KIF16B: variants seen among roughly 807,000 people sequenced by gnomAD.
KIF16B encodes kinesin family member 16B.
In KIF16B, 98 loss-of-function variants were observed where a neutral mutation model predicts 156.3. That is an observed-to-expected ratio of 0.63 (90% CI 0.53 to 0.74). KIF16B has a LOEUF of 0.74. Ranked by LOEUF, KIF16B falls within the 30% of genes least tolerant of loss-of-function variation. KIF16B has a pLI of 0.00. For synonymous variants in KIF16B, 564 were observed against 583.7 expected, an observed-to-expected ratio of 0.97 and a Z score of 0.49; for missense variants, 1,421 against 1,606.5, an observed-to-expected ratio of 0.88 and a Z score of 1.97.
At chr20:16,452,239 T>C (rs116549975) in intron 12 of KIF16B, among the ~76,000 whole-genome samples, 1 of 151,978 alleles carries the variant, frequency 6.6e-6, no homozygotes, top group Non-Finnish European at 1.5e-5. Flanking sequence ...CCAGAGAAAT[T>C]GCAAATTCAG....
At chr20:16,458,536 T>C (rs573896451) in intron 12 of KIF16B, among the ~76,000 whole-genome samples, 30 of 152,318 alleles carry the variant, frequency 2.0e-4, no homozygotes, top group South Asian at 1.2e-3. Context: ...GCATTTTTTT[T>C]CGGAAAACTC....
chr20:16,519,805 A>G (rs921704241), intron 3 of KIF16B, among the ~76,000 whole-genome samples: 5 of 152,192 alleles, frequency 3.3e-5, no homozygotes, highest in Admixed American at 6.5e-5. Flanking sequence ...TGGATTTTCA[A>G]TTGAAGTACC....
chr20:16,373,611 T>A (rs1013728257), intron 20 of KIF16B, among the ~76,000 whole-genome samples: 2 of 152,342 alleles, frequency 1.3e-5, no homozygotes, highest in South Asian at 4.1e-4. Flanking sequence ...CTATTTGTAA[T>A]CCATGACACA....
intron 21 of KIF16B, among the ~76,000 whole-genome samples, 189 bp downstream of exon 21, chr20:16,371,476 A>G (rs1600227587): frequency 6.6e-6 from 1 of 151,500 alleles, no homozygotes; most frequent in African/African-American, 2.4e-5. Context: ...CTATAGTCCC[A>G]GCTACTTGGG....
chr20:16,493,749 A>C (rs2068367188), intron 12 of KIF16B, among the ~76,000 whole-genome samples: 1 of 152,196 alleles, frequency 6.6e-6, no homozygotes, highest in African/African-American at 2.4e-5. Context: ...AATGGAGGCT[A>C]CTGCTGACAT....
intron 24 of KIF16B, among the ~76,000 whole-genome samples, chr20:16,314,962 G>A (rs1354754229): frequency 6.6e-6 from 1 of 152,094 alleles, no homozygotes; most frequent in African/African-American, 2.4e-5. Flanking sequence ...CGCTTCCCCC[G>A]ATGCTGTGGT....
chr20:16,430,849 G>GTGTGTATATGTATATGTA (rs1555883017), intron 12 of KIF16B, among the ~76,000 whole-genome samples: 3,311 of 147,160 alleles, frequency 0.022, 133 homozygotes, highest in African/African-American at 0.077. Context: ...GTGTGTGTAT[G>GTGTGTATATGTATATGTA]TATATATATA....
chr20:16,281,054 T>C (rs190577822), intron 25 of KIF16B, among the ~76,000 whole-genome samples: 4 of 152,340 alleles, frequency 2.6e-5, no homozygotes, highest in East Asian at 3.9e-4. Context: ...ACTGCTTATT[T>C]CATGTGCAAT....
rs183536000 is a variant in KIF16B at position 16,464,347 on chromosome 20, T to G, written c.1302+29944A>C. Among the ~76,000 whole-genome samples the G allele has an allele frequency of 4.9e-3, 745 of 152,192 alleles. 9 individuals are homozygous for G. Among genetic ancestry groups the G allele is most frequent in the African/African-American group, 0.017 (724 of 41,540 alleles). On this transcript the variant is annotated intron_variant, in intron 12 of 25. Coordinates refer to ENST00000354981, the MANE Select transcript of KIF16B (RefSeq NM_024704.5). ...AAAATTTTATATGACAAATTGGATATAAAAATTCAAGGAGAAAACAGAATG... is the reference window on the plus strand; with the variant it reads ...AAAATTTTATATGACAAATTGGATAGAAAAATTCAAGGAGAAAACAGAATG...
At chr20:16,331,671 A>G (rs1454202566) in intron 24 of KIF16B, among the ~76,000 whole-genome samples, 2 of 152,204 alleles carry the variant, frequency 1.3e-5, no homozygotes, top group Non-Finnish European at 2.9e-5. Flanking sequence ...TGAAGGAGCG[A>G]AGTAAATAAA....
chr20:16,399,178 G>A (rs2065587482), intron 17 of KIF16B, among the ~76,000 whole-genome samples: 1 of 152,070 alleles, frequency 6.6e-6, no homozygotes, highest in Admixed American at 6.5e-5. Context: ...AGCAGGGCTT[G>A]GTCACCTGCT....
intron 12 of KIF16B, among the ~76,000 whole-genome samples, chr20:16,455,748 C>T (rs2067195851): frequency 6.6e-6 from 1 of 152,188 alleles, no homozygotes; most frequent in African/African-American, 2.4e-5. Flanking sequence ...GAACAGGCTA[C>T]AAACTGCCTG....
At chr20:16,273,563 C>T (rs1343775088) in intron 25 of KIF16B, 152 bp from the exon 26 acceptor site, 3 of 634,540 alleles carry the variant, frequency 4.7e-6, no homozygotes, top group Non-Finnish European at 8.2e-6. Context: ...GGGTGGTGCA[C>T]TGAGGCAGGA....
At chr20:16,563,816 T>C (rs2071154627) in intron 1 of KIF16B, among the ~76,000 whole-genome samples, 1 of 152,334 alleles carries the variant, frequency 6.6e-6, no homozygotes, top group East Asian at 1.9e-4. Context: ...TATAAGTGTA[T>C]TTTGCACACA....
intron 24 of KIF16B, among the ~76,000 whole-genome samples, chr20:16,326,018 T>C (rs1601574048): frequency 6.6e-6 from 1 of 152,080 alleles, no homozygotes; most frequent in East Asian, 1.9e-4. Context: ...AACTGATCTT[T>C]GACAAAGCAA....
At chr20:16,512,337 G>T (rs902874482) in intron 5 of KIF16B, among the ~76,000 whole-genome samples, 3 of 152,166 alleles carry the variant, frequency 2.0e-5, no homozygotes, top group Non-Finnish European at 4.4e-5. Flanking sequence ...AGTCAAGTAG[G>T]TGTAAAAATC....
At chr20:16,503,802 G>A (rs1047918097) in intron 10 of KIF16B, among the ~76,000 whole-genome samples, 40 of 152,042 alleles carry the variant, frequency 2.6e-4, no homozygotes, top group Non-Finnish European at 5.0e-4. Flanking sequence ...AAATCACAAA[G>A]ACAAGGAATC....
intron 19 of KIF16B, among the ~76,000 whole-genome samples, chr20:16,378,134 C>T (rs1329422977): frequency 6.6e-6 from 1 of 152,046 alleles, no homozygotes; most frequent in Admixed American, 6.6e-5. Flanking sequence ...AAATCAGTAG[C>T]CTGTATGCAA....
chr20:16,307,056 T>C (rs1286989989), intron 25 of KIF16B, among the ~76,000 whole-genome samples: 1 of 152,160 alleles, frequency 6.6e-6, no homozygotes, highest in Non-Finnish European at 1.5e-5. Flanking sequence ...GCTAAAGAGA[T>C]GAAAATGGGG....
Sources: gnomAD v4.1 joint callset for allele counts (sites outside exome capture counted in the v4.1 genomes callset) on GRCh38, gnomAD v4.1.1 for gene constraint, MANE v1.5 for transcripts, NCBI Gene and HGNC (gene_info 2026-07-23, HGNC 2026-07-21) for gene names.